The following GTPBP1 variants were observed in gnomAD, a reference collection of about 807,000 sequenced individuals.
GTPBP1 encodes the protein GTP binding protein 1.
GTPBP1 carries 23 observed loss-of-function variants against 62.0 expected under a neutral mutation model. The observed-to-expected ratio is 0.37, with a 90% CI of 0.27 to 0.53. The LOEUF is 0.53. Among genes scored for constraint, GTPBP1 ranks in the 20% least tolerant of loss-of-function variants. The pLI is 0.89. For missense variants in GTPBP1, 640 were observed against 917.3 expected (o/e 0.70, Z 3.90); for synonymous variants, 344 against 364.4 (o/e 0.94, Z 0.64).
At position 38,727,158 on chromosome 22, in the gene GTPBP1, G is replaced by A. The variant is rs570213727; in HGVS notation, c.1402-55G>A. On this transcript the variant is annotated intron_variant, in intron 8 of 11. Coordinates refer to ENST00000216044, the MANE Select transcript of GTPBP1 (RefSeq NM_004286.5). The surrounding 1 kb of genome is among the most constrained non-coding windows in gnomAD (Gnocchi z 6.5). Reference sequence around the variant, plus strand: ...AGACTCTTGGTCCCTGGGACCAGGGGTGAAACCAGAAGGCATAATTGTCCC... The same window carrying A: ...AGACTCTTGGTCCCTGGGACCAGGGATGAAACCAGAAGGCATAATTGTCCC... The A allele has an allele frequency of 6.9e-5, 102 of 1,484,526 alleles. No homozygotes were observed. The African/African-American group carries it at 1.4e-3, about 20-fold the overall frequency. The allele number at this position is 1,484,526 out of a possible 1,614,324, so 92.0% of individuals were successfully genotyped here. A position where few individuals can be genotyped will look rare whatever the true frequency, so the allele number is the denominator to read the frequency against.
chr22:38,736,164 T>C (rs530243555), downstream of GTPBP1: 2 of 1,127,506 alleles, frequency 1.8e-6, no homozygotes, highest in Non-Finnish European at 1.3e-6. Context: ...GGCTCCTCTC[T>C]TGTGCTCCTA....
At chr22:38,721,276 C>G (rs1174015276) in intron 4 of GTPBP1, among the ~76,000 whole-genome samples, 1 of 152,208 alleles carries the variant, frequency 6.6e-6, no homozygotes, top group Non-Finnish European at 1.5e-5. Flanking sequence ...CAGGGTTTCT[C>G]CATGTTGTTC....
At chr22:38,740,053 C>A, downstream of GTPBP1, 1 of 1,333,102 alleles carries the variant, frequency 7.5e-7, no homozygotes, top group Non-Finnish European at 1.0e-6. The surrounding 1 kb of genome is among the most constrained non-coding windows in gnomAD (Gnocchi z 4.8). Flanking sequence ...GGAGGGAGGC[C>A]ACTGGAGGAA....
intron 2 of GTPBP1, among the ~76,000 whole-genome samples, chr22:38,715,315 C>G (rs2092663372): frequency 6.6e-6 from 1 of 152,254 alleles, no homozygotes; most frequent in Admixed American, 6.5e-5. Flanking sequence ...CATGTAGTCT[C>G]CCGACACTCC....
intron 4 of GTPBP1, among the ~76,000 whole-genome samples, chr22:38,718,304 G>A (rs1009592941): frequency 6.6e-6 from 1 of 152,112 alleles, no homozygotes; most frequent in African/African-American, 2.4e-5. Context: ...TTTTCCAGCT[G>A]AGCTACAGTG....
At chr22:38,734,685 G>C (rs1460895919), downstream of GTPBP1, 1 of 195,004 alleles carries the variant, frequency 5.1e-6, no homozygotes, top group African/African-American at 2.4e-5. Context: ...CCCAAGAGCA[G>C]CTGCCCTAGG....
In GTPBP1 at chr22:38,726,954, C is replaced by T. The variant is rs192525473; in HGVS notation, c.1402-259C>T. The stretch of plus-strand genomic sequence containing the variant: ...GCTTGCCTGCCTTTGCTTCCTCATG[C>T]GTCCTTCATGGCCGAGCAGCTGAAG... On this transcript the variant is annotated intron_variant, in intron 8 of 11. Coordinates refer to ENST00000216044, the MANE Select transcript of GTPBP1 (RefSeq NM_004286.5). The surrounding 1 kb of genome is among the most constrained non-coding windows in gnomAD (Gnocchi z 4.1). 3.3e-3 allele frequency among the ~76,000 whole-genome samples: 499 copies of T among 152,284 alleles called. 1 individual carries two copies. Among genetic ancestry groups the T allele is most frequent in the African/African-American group, 0.011 (477 of 41,554 alleles).
At chr22:38,736,751 A>G, downstream of GTPBP1, 1 of 179,296 alleles carries the variant, frequency 5.6e-6, no homozygotes. Context: ...CAGTGTTGGG[A>G]ATGGTGTTAG....
downstream of GTPBP1, chr22:38,738,030 G>T: frequency 2.6e-6 from 2 of 782,394 alleles, no homozygotes; most frequent in South Asian, 1.4e-5. The surrounding 1 kb of genome is among the most constrained non-coding windows in gnomAD (Gnocchi z 6.6). Flanking sequence ...CACCCCATTT[G>T]GATATCACAT....
chr22:38,708,077 T>G (rs913777011), intron 1 of GTPBP1, among the ~76,000 whole-genome samples: 1 of 152,254 alleles, frequency 6.6e-6, no homozygotes, highest in African/African-American at 2.4e-5. Context: ...TACATGTTAT[T>G]ATATTTGCTC....
downstream of GTPBP1, chr22:38,739,983 A>G (rs1381316040): frequency 1.3e-6 from 2 of 1,590,272 alleles, 1 homozygote; most frequent in South Asian, 2.2e-5. The surrounding 1 kb of genome is among the most constrained non-coding windows in gnomAD (Gnocchi z 6.7). Flanking sequence ...GGGGGCTTGC[A>G]GGGACAGCAG....
At chr22:38,740,281 C>A, downstream of GTPBP1, 1 of 1,598,606 alleles carries the variant, frequency 6.3e-7, no homozygotes, top group Non-Finnish European at 8.5e-7. The surrounding 1 kb of genome is among the most constrained non-coding windows in gnomAD (Gnocchi z 4.8). Context: ...TCCCGCACGG[C>A]CTGGATCTGC....
chr22:38,722,613 G>A (rs746559849), intron 5 of GTPBP1: 7 of 1,239,332 alleles, frequency 5.6e-6, no homozygotes, highest in Non-Finnish European at 7.7e-6. Context: ...GCCATTTAGA[G>A]TAATATTTAT....
At chr22:38,711,738 G>A (rs1313805259) in intron 2 of GTPBP1, among the ~76,000 whole-genome samples, 1 of 152,014 alleles carries the variant, frequency 6.6e-6, no homozygotes, top group African/African-American at 2.4e-5. Context: ...AACTACTCAG[G>A]AGGCTGAGGC....
chr22:38,724,365 A>G lies in GTPBP1; in HGVS notation c.1027A>G (p.Ser343Gly). Residue 343 changes from serine (S) to glycine (G), a missense_variant, in exon 6 of 12, where the codon AGC (serine) becomes GGC (glycine). Physicochemically the swap from Ser to Gly is moderately conservative, Grantham distance 56. Around this residue, in one of 4 missense-constraint regions of GTPBP1, gnomAD observed 220 missense variants for 358.1 expected, o/e 0.61. Transcript: ENST00000216044. Reference sequence around the variant, plus strand: ...CCGGAAGATCCCCGTGCTGGTGCAGAGCAAAGATGATGTGATTGTCACAGC... The same window carrying G: ...CCGGAAGATCCCCGTGCTGGTGCAGGGCAAAGATGATGTGATTGTCACAGC... ...GCRKIPVLVQ[S>G]KDDVIVTASN... 1 of 1,613,484 alleles carries G rather than the reference A, an allele frequency of 6.2e-7. No homozygotes were observed. Among genetic ancestry groups the G allele is most frequent in the Non-Finnish European group, 8.5e-7 (1 of 1,179,450 alleles).
chr22:38,725,974 C>G (rs1410866737), intron 6 of GTPBP1, 32 bp from the exon 7 acceptor site: 1 of 1,610,278 alleles, frequency 6.2e-7, no homozygotes, highest in African/African-American at 1.3e-5. Context: ...GTGCCTCTCT[C>G]CTTTTTTCCT....
rs1253343294 is a variant in GTPBP1 at position 38,731,492 on chromosome 22, A to C, written c.*788A>C. 6.6e-6 allele frequency: 1 copy of C among 152,656 alleles called. No individual in the cohort carries two copies. Among genetic ancestry groups the C allele is most frequent in the Non-Finnish European group, 1.5e-5 (1 of 68,136 alleles). The allele number at this position is 152,656 out of a possible 1,614,324, so 9.5% of individuals were successfully genotyped here. A position where few individuals can be genotyped will look rare whatever the true frequency, so the allele number is the denominator to read the frequency against. ...CCTGACCCTTGCCACCAACCCAAAG[A>C]CAGCTGGTGGGTTTCCCCTTGGAGA... On this transcript the variant is annotated 3_prime_UTR_variant, in exon 12 of 12. Coordinates refer to ENST00000216044, the MANE Select transcript of GTPBP1 (RefSeq NM_004286.5).
chr22:38,711,079 A>G (rs962743162), intron 2 of GTPBP1, among the ~76,000 whole-genome samples: 1 of 152,228 alleles, frequency 6.6e-6, no homozygotes, highest in African/African-American at 2.4e-5. Context: ...CAAGTTGAAC[A>G]ATAATCAGAA....
In GTPBP1 at chr22:38,726,514, C is replaced by A; in HGVS notation, c.1401+74C>A. On this transcript the variant is annotated intron_variant, in intron 8 of 11. Transcript: ENST00000216044. This position sits in a 1 kb window ranked among gnomAD's most constrained non-coding sequence, Gnocchi z 4.1. ...GCTCTTGGCCAGATGCCCTGCTCAC[C>A]CACTCTAGTCCTCATGGCTGCTCTG... is the stretch of plus-strand genomic sequence containing the variant. 1 of 1,237,910 alleles carries A rather than the reference C, an allele frequency of 8.1e-7. No homozygotes were observed. The highest frequency in any genetic ancestry group is 1.2e-6 in the Non-Finnish European group (1 of 855,364). The allele number at this position is 1,237,910 out of a possible 1,614,324, so 76.7% of individuals were successfully genotyped here. A position where few individuals can be genotyped will look rare whatever the true frequency, so the allele number is the denominator to read the frequency against.
Sources: allele counts gnomAD v4.1 joint callset (sites outside exome capture counted in the v4.1 genomes callset), GRCh38; gene constraint gnomAD v4.1.1; regional missense constraint gnomAD v4.1.1; non-coding constraint Gnocchi (gnomAD v3.1); transcripts MANE v1.5; gene names NCBI Gene and HGNC (gene_info 2026-07-23, HGNC 2026-07-21).